Variants in FUT8 observed in about 807,000 individuals in gnomAD.
The protein encoded by FUT8 is alpha-(1,6)-fucosyltransferase.
Under a neutral mutation model 71.3 loss-of-function variants are expected in FUT8, and 29 were observed. The ratio of observed to expected loss-of-function variants is 0.41; its 90% CI spans 0.30 to 0.55. FUT8 has a LOEUF of 0.55. FUT8 is among the 20% of genes least tolerant of loss of function. FUT8 has a pLI of 0.34. For synonymous variants in FUT8, 254 were observed against 239.3 expected (o/e 1.06, Z -0.57); for missense variants, 544 against 702.1 (o/e 0.77, Z 2.55).
intron 2 of FUT8, among the ~76,000 whole-genome samples, chr14:65,544,451 A>G (rs1427239937): frequency 6.6e-6 from 1 of 151,744 alleles, no homozygotes; most frequent in Non-Finnish European, 1.5e-5. Context: ...ATTTATGTGC[A>G]CACACACACA....
upstream of FUT8, chr14:65,412,351 C>T (rs1299579333): frequency 4.4e-6 from 2 of 455,884 alleles, no homozygotes; most frequent in South Asian, 3.1e-5. Context: ...CCCCTAGGGC[C>T]GCCGACTGAG....
At chr14:65,402,789 G>A in the FUT8 span, among the ~76,000 whole-genome samples, 2 of 152,156 alleles carry the variant, frequency 1.3e-5, no homozygotes, top group Non-Finnish European at 2.9e-5. Context: ...GTGAGCCACT[G>A]TGCCCGCCTG....
intron 2 of FUT8, among the ~76,000 whole-genome samples, chr14:65,490,253 T>C (rs2066463950): frequency 6.6e-6 from 1 of 152,122 alleles, no homozygotes; most frequent in Non-Finnish European, 1.5e-5. Flanking sequence ...TTTCTGAAAC[T>C]GGAGTCTATG....
intron 2 of FUT8, among the ~76,000 whole-genome samples, chr14:65,545,313 G>A (rs1884925202): frequency 1.3e-5 from 2 of 151,876 alleles, no homozygotes; most frequent in African/African-American, 4.8e-5. Context: ...AGAGTCTTGG[G>A]CACATATTAA....
At chr14:65,610,535 A>G (rs1290748927) in intron 3 of FUT8, among the ~76,000 whole-genome samples, 1 of 151,646 alleles carries the variant, frequency 6.6e-6, no homozygotes. Context: ...GATTACAGGC[A>G]TGCACCACCA....
chr14:65,708,808 T>C, intron 7 of FUT8, among the ~76,000 whole-genome samples: 1 of 151,442 alleles, frequency 6.6e-6, no homozygotes, highest in East Asian at 1.9e-4. Flanking sequence ...ATAGGAAGAG[T>C]AGAAAGGTGA....
intron 3 of FUT8, among the ~76,000 whole-genome samples, chr14:65,587,760 T>C (rs1423824664): frequency 6.6e-6 from 1 of 152,210 alleles, no homozygotes; most frequent in Non-Finnish European, 1.5e-5. Flanking sequence ...CATGCCTGAT[T>C]TTATAAAGGC....
chr14:65,706,577 TAA>T lies in FUT8; in HGVS notation c.836-15196_836-15195del, dbSNP rs552140468. ...AACAGCAATTTATTTCTTGCAGTTC[TAA>T]AGACTGTTGGCACCAACAGATTCAG... On this transcript the variant is annotated intron_variant, in intron 7 of 10. Transcript: ENST00000673929. Among the ~76,000 whole-genome samples the T allele has an allele frequency of 2.6e-3, 390 of 152,326 alleles. 5 individuals are homozygous for T. Among genetic ancestry groups the T allele is most frequent in the African/African-American group, 8.9e-3 (369 of 41,582 alleles).
At chr14:65,492,025 T>G (rs1265860924) in intron 2 of FUT8, among the ~76,000 whole-genome samples, 1 of 152,114 alleles carries the variant, frequency 6.6e-6, no homozygotes, top group Non-Finnish European at 1.5e-5. Flanking sequence ...TATGAAGACA[T>G]TAAAAAAATG....
At chr14:65,502,203 GC>G in intron 2 of FUT8, among the ~76,000 whole-genome samples, 1 of 151,972 alleles carries the variant, frequency 6.6e-6, no homozygotes, top group South Asian at 2.1e-4. Context: ...GAGCCACCAT[GC>G]CTGGCTGGGT....
In FUT8 at chr14:65,643,665, TACACACAC is replaced by T. The variant is rs60967671; in HGVS notation, c.597+14102_597+14109del. ...CGAGACTCCGTCTTTAAAAAAAAAA[TACACACAC>T]ACACACACACACACACACACACACA... is the stretch of plus-strand genomic sequence containing the variant. On this transcript the variant is annotated intron_variant, in intron 6 of 10. Coordinates refer to ENST00000673929, the MANE Select transcript of FUT8 (RefSeq NM_001371533.1). This position sits in a 1 kb window ranked among gnomAD's most constrained non-coding sequence, Gnocchi z 4.5. Among the ~76,000 whole-genome samples the T allele has an allele frequency of 0.08, 10,005 of 124,630 alleles. 453 individuals carry two copies. The highest frequency in any genetic ancestry group is 0.098 in the Non-Finnish European group (6,034 of 61,832). 81.8% of individuals were successfully genotyped at this position (124,630 alleles called of 152,430 possible).
chr14:65,616,542 G>T (rs868263242), intron 5 of FUT8, among the ~76,000 whole-genome samples, 169 bp downstream of exon 5: 9 of 152,254 alleles, frequency 5.9e-5, no homozygotes, highest in Middle Eastern at 3.4e-3. Flanking sequence ...GCCAAGTGCA[G>T]TTCATCAACC....
chr14:65,574,068 G>A lies in FUT8; in HGVS notation c.203+12302G>A, dbSNP rs953136531. Among the ~76,000 whole-genome samples the A allele has an allele frequency of 6.6e-6, 1 of 152,118 alleles. No individual in the cohort carries two copies. The highest frequency in any genetic ancestry group is 2.4e-5 in the African/African-American group (1 of 41,402). ...CAAGGCTCAATTAAAGAAGGATACA[G>A]TTCTAAAATCATGTGGTTGTTGGCA... is the stretch of plus-strand genomic sequence containing the variant. On this transcript the variant is annotated intron_variant, in intron 3 of 10. Coordinates refer to ENST00000673929, the MANE Select transcript of FUT8 (RefSeq NM_001371533.1). This position sits in a 1 kb window ranked among gnomAD's most constrained non-coding sequence, Gnocchi z 5.2.
At chr14:65,476,885 A>G (rs1169764884) in intron 2 of FUT8, among the ~76,000 whole-genome samples, 3 of 152,076 alleles carry the variant, frequency 2.0e-5, no homozygotes, top group Non-Finnish European at 4.4e-5. Context: ...AAATATCTTT[A>G]TCCCTTAATT....
intron 3 of FUT8, among the ~76,000 whole-genome samples, chr14:65,601,330 T>A (rs538231365): frequency 6.6e-6 from 1 of 152,300 alleles, no homozygotes; most frequent in African/African-American, 2.4e-5. Flanking sequence ...TTTGAATAAA[T>A]ACAATTATTT....
chr14:65,533,387 T>C (rs1884080878), intron 2 of FUT8, among the ~76,000 whole-genome samples: 1 of 152,212 alleles, frequency 6.6e-6, no homozygotes, highest in Non-Finnish European at 1.5e-5. Context: ...GTTAGCAGTA[T>C]TCCTAGGTAT....
rs1022966877 is a variant in FUT8 at position 65,550,377 on chromosome 14, G to A, written c.-227-10960G>A. ...GCTTAGCCTACCTTAAATGTGCCCAGAACACTTATATTAGCCTACAGTTGG... is the reference window on the plus strand; with the variant it reads ...GCTTAGCCTACCTTAAATGTGCCCAAAACACTTATATTAGCCTACAGTTGG... On this transcript the variant is annotated intron_variant, in intron 2 of 10. Transcript: ENST00000673929. This position sits in a 1 kb window ranked among gnomAD's most constrained non-coding sequence, Gnocchi z 4.5. Among the ~76,000 whole-genome samples the A allele has an allele frequency of 5.9e-5, 9 of 152,108 alleles. No individual in the cohort carries two copies. The highest frequency in any genetic ancestry group is 1.2e-4 in the Non-Finnish European group (8 of 68,022).
At chr14:65,523,683 C>G (rs1883242207) in intron 2 of FUT8, among the ~76,000 whole-genome samples, 1 of 152,160 alleles carries the variant, frequency 6.6e-6, no homozygotes, top group Non-Finnish European at 1.5e-5. Flanking sequence ...CCTAGGTTTT[C>G]TTCTGGAGTT....
chr14:65,439,954 G>GTGTGTACATA lies in FUT8; in HGVS notation c.-325-15666_-325-15665insGTGTACATAT. ...ATAAAGAAAATGTGTGTGTGTGTGT[G>GTGTGTACATA]TATATATATATATATATATATATAT... On this transcript the variant is annotated intron_variant, in intron 1 of 10. Transcript: ENST00000673929. Among the ~76,000 whole-genome samples, 38 of 74,972 alleles carry GTGTGTACATA rather than the reference G, an allele frequency of 5.1e-4. 2 individuals are homozygous for GTGTGTACATA. Among genetic ancestry groups the GTGTGTACATA allele is most frequent in the East Asian group, 4.9e-3 (8 of 1,640 alleles). 49.2% of individuals were successfully genotyped at this position (74,972 alleles called of 152,430 possible).
Sources: gnomAD v4.1 joint callset for allele counts (sites outside exome capture counted in the v4.1 genomes callset) on GRCh38, gnomAD v4.1.1 for gene constraint, Gnocchi (gnomAD v3.1) non-coding constraint, MANE v1.5 for transcripts, NCBI Gene and HGNC (gene_info 2026-07-23, HGNC 2026-07-21) for gene names.